The following GRM1 variants were observed in gnomAD, a reference collection of about 807,000 sequenced individuals.
GRM1 encodes the protein glutamate metabotropic receptor 1, also known as metabotropic glutamate receptor 1.
A neutral mutation model predicts 90.9 loss-of-function variants in GRM1; 33 were observed. That is an observed-to-expected ratio of 0.36 (90% CI 0.28 to 0.49). The LOEUF (loss-of-function observed/expected upper bound fraction) is 0.49. GRM1 is among the 20% of genes least tolerant of loss of function. GRM1 has a pLI of 0.99. For missense variants in GRM1, 1,190 were observed against 1,534.3 expected (o/e 0.78, Z 3.75); for synonymous variants, 700 against 613.2 (o/e 1.14, Z -2.09).
At chr6:146,172,828 A>G (rs1339891400) in intron 2 of GRM1, among the ~76,000 whole-genome samples, 2 of 152,188 alleles carry the variant, frequency 1.3e-5, no homozygotes, top group Non-Finnish European at 2.9e-5. Flanking sequence ...ATTTGGATTT[A>G]AAAAATTGAA....
At chr6:146,066,767 A>AGAGAGG (rs1491406859) in intron 1 of GRM1, among the ~76,000 whole-genome samples, 5 of 44,888 alleles carry the variant, frequency 1.1e-4, no homozygotes, top group African/African-American at 4.9e-4. Flanking sequence ...ACAGACAGGC[A>AGAGAGG]GAGAGAGAGA....
chr6:146,402,890 G>A (rs1253441242), intron 7 of GRM1, among the ~76,000 whole-genome samples: 11 of 152,270 alleles, frequency 7.2e-5, no homozygotes, highest in African/African-American at 2.4e-4. Flanking sequence ...TATAATATAG[G>A]AGGAGTTTAA....
chr6:146,136,751 T>G (rs1359918247), intron 1 of GRM1, among the ~76,000 whole-genome samples: 1 of 152,166 alleles, frequency 6.6e-6, no homozygotes, highest in Non-Finnish European at 1.5e-5. Flanking sequence ...CAAATCAATA[T>G]TTAAAGCATT....
chr6:146,405,007 C>T (rs867806011), intron 7 of GRM1, among the ~76,000 whole-genome samples: 14 of 152,066 alleles, frequency 9.2e-5, no homozygotes, highest in African/African-American at 1.2e-4. Context: ...ACCAGTTATG[C>T]GAGCTGAAAG....
At chr6:146,099,576 TC>T (rs1311062352) in intron 1 of GRM1, among the ~76,000 whole-genome samples, 1 of 152,208 alleles carries the variant, frequency 6.6e-6, no homozygotes, top group East Asian at 1.9e-4. Context: ...GTTAATGTCT[TC>T]TCTTATCTTT....
chr6:146,213,721 T>TAGAGAGAG (rs201951540), intron 2 of GRM1, among the ~76,000 whole-genome samples: 48 of 148,984 alleles, frequency 3.2e-4, no homozygotes, highest in Non-Finnish European at 5.1e-4. Context: ...GATAGATAGA[T>TAGAGAGAG]AGATAGATAG....
chr6:146,214,929 G>T (rs763526594), intron 2 of GRM1, among the ~76,000 whole-genome samples: 1 of 152,154 alleles, frequency 6.6e-6, no homozygotes, highest in African/African-American at 2.4e-5. Flanking sequence ...GGGCTTTAAC[G>T]TAGAGTCTGT....
intron 2 of GRM1, among the ~76,000 whole-genome samples, chr6:146,168,796 G>T (rs1157612151): frequency 2.6e-5 from 4 of 152,076 alleles, no homozygotes; most frequent in African/African-American, 4.8e-5. Flanking sequence ...GACTTGCATG[G>T]TTTCTGATGA....
chr6:146,390,763 T>C (rs558609643), intron 6 of GRM1, among the ~76,000 whole-genome samples: 2 of 152,196 alleles, frequency 1.3e-5, no homozygotes, highest in South Asian at 4.1e-4. Flanking sequence ...TACAGGTGAA[T>C]TAAGCAATGT....
chr6:146,175,198 C>T (rs1778296588), intron 2 of GRM1, among the ~76,000 whole-genome samples: 3 of 152,144 alleles, frequency 2.0e-5, no homozygotes, highest in Admixed American at 1.3e-4. Context: ...TAGAAACAGA[C>T]CCATAGTATT....
chr6:146,203,187 GTC>G (rs1779377671), intron 2 of GRM1, among the ~76,000 whole-genome samples: 1 of 143,562 alleles, frequency 7.0e-6, no homozygotes, highest in Non-Finnish European at 1.5e-5. Flanking sequence ...GAGAGACTCC[GTC>G]TCAAAATAAA....
rs35329703 is a variant in GRM1 at position 146,146,103 on chromosome 6, C to CTT, written c.701-13210_701-13209dup. Among the ~76,000 whole-genome samples the CTT allele has an allele frequency of 1.8e-3, 35 of 19,986 alleles. 15 individuals are homozygous for CTT. The highest frequency in any genetic ancestry group is 2.8e-3 in the Non-Finnish European group (26 of 9,438). 13.1% of individuals were successfully genotyped at this position (19,986 alleles called of 152,430 possible). A position where few individuals can be genotyped will look rare whatever the true frequency, so the allele number is the denominator to read the frequency against. On this transcript the variant is annotated intron_variant, in intron 1 of 7. Transcript: ENST00000282753. ...CTGTGCCTATGTACTACCATTGTAT[C>CTT]TTTTTTTTTTTTTTTTTTTTTTTTT...
chr6:146,151,444 A>G (rs1485940061), intron 1 of GRM1, among the ~76,000 whole-genome samples: 1 of 152,236 alleles, frequency 6.6e-6, no homozygotes, highest in Non-Finnish European at 1.5e-5. Context: ...TTGAGCCACC[A>G]AATGGAGCTC....
intron 1 of GRM1, among the ~76,000 whole-genome samples, chr6:146,072,546 G>A (rs1406108521): frequency 1.3e-5 from 2 of 152,058 alleles, no homozygotes; most frequent in Non-Finnish European, 2.9e-5. Flanking sequence ...CCTGAATAGA[G>A]TACTAATTCT....
rs3064997 is a variant in GRM1, at chr6:146,043,782, G to GATATATATATATATATATAT, written c.700+13575_700+13594dup. ...ACTCTATTTTTGGAAAGAGTCAGGT[G>GATATATATATATATATATAT]ATATATATATATATATATATATATA... On this transcript the variant is annotated intron_variant, in intron 1 of 7. Coordinates refer to ENST00000282753, the MANE Select transcript of GRM1 (RefSeq NM_001278064.2). Among the ~76,000 whole-genome samples the GATATATATATATATATATAT allele has an allele frequency of 1.8e-3, 161 of 89,920 alleles. 2 individuals are homozygous for GATATATATATATATATATAT. Among genetic ancestry groups the GATATATATATATATATATAT allele is most frequent in the Non-Finnish European group, 2.8e-3 (104 of 37,386 alleles). The allele number at this position is 89,920 out of a possible 152,430, so 59.0% of individuals were successfully genotyped here.
chr6:146,331,927 A>G (rs758865037), intron 3 of GRM1, among the ~76,000 whole-genome samples: 21 of 152,128 alleles, frequency 1.4e-4, no homozygotes, highest in Non-Finnish European at 2.4e-4. Context: ...TGAAACTATC[A>G]TGTGATAGTT....
chr6:146,172,059 C>T (rs1778148391), intron 2 of GRM1, among the ~76,000 whole-genome samples: 1 of 151,834 alleles, frequency 6.6e-6, no homozygotes, highest in African/African-American at 2.4e-5. Flanking sequence ...GATATTAGTT[C>T]TCCTTCCAGT....
At chr6:146,109,044 A>G (rs559970760) in intron 1 of GRM1, among the ~76,000 whole-genome samples, 1 of 152,328 alleles carries the variant, frequency 6.6e-6, no homozygotes, top group Admixed American at 6.5e-5. Flanking sequence ...AGAGCATACA[A>G]GTTTGGAAAA....
intron 5 of GRM1, among the ~76,000 whole-genome samples, chr6:146,380,967 C>G (rs889896379): frequency 5.9e-5 from 9 of 152,152 alleles, no homozygotes; most frequent in African/African-American, 1.7e-4. Context: ...GGTGCCCTAT[C>G]CTGCTGTGGC....
Sources: allele counts gnomAD v4.1 joint callset (sites outside exome capture counted in the v4.1 genomes callset), GRCh38; gene constraint gnomAD v4.1.1; transcripts MANE v1.5; gene names NCBI Gene and HGNC (gene_info 2026-07-23, HGNC 2026-07-21).